Variants in WIF1 observed in about 807,000 individuals in gnomAD.
WIF1 encodes the protein Wnt inhibitory factor 1.
A neutral mutation model predicts 53.5 loss-of-function variants in WIF1; 35 were observed. That is an observed-to-expected ratio of 0.65 (90% CI 0.50 to 0.87). The LOEUF (loss-of-function observed/expected upper bound fraction) is 0.87. WIF1 is among the 40% of genes least tolerant of loss of function. WIF1 has a pLI of 0.00. For missense variants in WIF1, 467 were observed against 476.8 expected (o/e 0.98, Z 0.19); for synonymous variants, 171 against 170.4 (o/e 1.00, Z -0.03).
chr12:65,077,453 C>G (rs922003551), intron 3 of WIF1, among the ~76,000 whole-genome samples: 1 of 152,120 alleles, frequency 6.6e-6, no homozygotes, highest in Non-Finnish European at 1.5e-5. Context: ...ATATATCTCA[C>G]CAGATGTGTT....
intron 2 of WIF1, among the ~76,000 whole-genome samples, chr12:65,115,276 A>AT (rs1211189012): frequency 6.6e-6 from 1 of 151,914 alleles, no homozygotes; most frequent in Non-Finnish European, 1.5e-5. Context: ...GATAGAACAT[A>AT]TTATAGTTAT....
At chr12:65,057,473 C>T (rs1197244422) in intron 7 of WIF1, among the ~76,000 whole-genome samples, 1 of 152,156 alleles carries the variant, frequency 6.6e-6, no homozygotes, top group African/African-American at 2.4e-5. Context: ...CTAGAATTTG[C>T]TATCCTAAGT....
intron 6 of WIF1, 89 bp from the exon 7 acceptor site, chr12:65,062,665 C>G: frequency 2.6e-6 from 3 of 1,159,868 alleles, no homozygotes; most frequent in Middle Eastern, 2.0e-4. Context: ...ATTTTTTAGG[C>G]ATCTGCTTGC....
intron 2 of WIF1, among the ~76,000 whole-genome samples, chr12:65,078,078 TTTTG>T (rs948106901): frequency 2.6e-5 from 4 of 151,954 alleles, no homozygotes; most frequent in African/African-American, 9.7e-5. Flanking sequence ...GTTAATCTGT[TTTTG>T]TTTGTTTGTT....
intron 2 of WIF1, among the ~76,000 whole-genome samples, chr12:65,105,056 AC>A (rs1883333669): frequency 6.6e-6 from 1 of 152,040 alleles, no homozygotes. Context: ...GTTAAAACAT[AC>A]TCCAGTGGCT....
At position 65,120,521 on chromosome 12, in the gene WIF1, TC is replaced by T. The variant is rs1292273245; in HGVS notation, c.183del (p.Met63TrpfsTer25). 6.2e-7 allele frequency: 1 copy of T among 1,614,096 alleles called. No homozygotes were observed. The highest frequency in any genetic ancestry group is 2.2e-5 in the East Asian group (1 of 44,874). On this transcript the variant is annotated frameshift_variant, in exon 2 of 10. Transcript: ENST00000286574. LOFTEE classifies it high-confidence loss of function. ...FEEDILIVSE[G>X]KMAPFTHDFR... ...AAATCATGTGTAAAAGGTGCCATTT[TC>T]CCCTCTGAAACAATCAGGATATCTT...
chr12:65,068,671 G>GTA, intron 4 of WIF1, 93 bp downstream of exon 4: 1 of 1,355,690 alleles, frequency 7.4e-7, no homozygotes, highest in East Asian at 2.3e-5. Context: ...GTGTGTGTGT[G>GTA]TGTGTGTGTG....
intron 7 of WIF1, among the ~76,000 whole-genome samples, chr12:65,061,155 A>G (rs1312376646): frequency 6.6e-6 from 1 of 152,214 alleles, no homozygotes; most frequent in African/African-American, 2.4e-5. Context: ...AATTAATTAC[A>G]TGTTCTATGG....
In WIF1 at chr12:65,056,030, C is replaced by G; in HGVS notation, c.922+1G>C. On this transcript the variant is annotated splice_donor_variant, in intron 8 of 9. Transcript: ENST00000286574. LOFTEE classifies it high-confidence loss of function. ...ATTGGCAATGTGTATGGGGTACTTA[C>G]GCTTTGAACAGAGGTCTCCCTGGTA... 6.8e-6 allele frequency: 11 copies of G among 1,613,526 alleles called. No homozygotes were observed. Among genetic ancestry groups the G allele is most frequent in the Non-Finnish European group, 9.3e-6 (11 of 1,179,718 alleles).
chr12:65,095,875 G>A (rs1883196536), intron 2 of WIF1: 1 of 152,100 alleles, frequency 6.6e-6, no homozygotes, highest in African/African-American at 2.4e-5. Flanking sequence ...ATTCAAGATG[G>A]ATTACATACT....
chr12:65,058,681 G>T (rs982840991), intron 7 of WIF1, among the ~76,000 whole-genome samples: 1 of 152,148 alleles, frequency 6.6e-6, no homozygotes, highest in Non-Finnish European at 1.5e-5. Context: ...CCTGAAAATA[G>T]TTTGCAACCA....
At chr12:65,054,388 TCTGTCTGTGCA>T (rs2136606854) in intron 9 of WIF1, among the ~76,000 whole-genome samples, 1 of 152,334 alleles carries the variant, frequency 6.6e-6, no homozygotes, top group South Asian at 2.1e-4. Context: ...CAGGGCCTTT[TCTGTCTGTGCA>T]CTGGTGTGTC....
intron 7 of WIF1, among the ~76,000 whole-genome samples, chr12:65,061,745 A>G (rs773619259): frequency 6.6e-6 from 1 of 152,242 alleles, no homozygotes; most frequent in Non-Finnish European, 1.5e-5. Flanking sequence ...TTAAGTTTAC[A>G]GTTCAGATAT....
At chr12:65,119,488 A>G (rs1175284510) in intron 2 of WIF1, among the ~76,000 whole-genome samples, 2 of 152,350 alleles carry the variant, frequency 1.3e-5, no homozygotes, top group Non-Finnish European at 2.9e-5. Flanking sequence ...GTGGTTTCTC[A>G]ATTCAAAATA....
At chr12:65,065,148 C>T (rs547249482) in intron 6 of WIF1, among the ~76,000 whole-genome samples, 16 of 152,210 alleles carry the variant, frequency 1.1e-4, no homozygotes, top group African/African-American at 3.6e-4. Flanking sequence ...TAAAAGACCA[C>T]TTTAAAAAAG....
intron 2 of WIF1, among the ~76,000 whole-genome samples, chr12:65,083,300 C>G (rs915442528): frequency 6.6e-6 from 1 of 152,064 alleles, no homozygotes; most frequent in Non-Finnish European, 1.5e-5. Context: ...GTTAAAGACC[C>G]AAACAAAACG....
intron 2 of WIF1, among the ~76,000 whole-genome samples, chr12:65,102,703 G>C (rs1473942207): frequency 6.6e-6 from 1 of 152,132 alleles, no homozygotes; most frequent in Admixed American, 6.5e-5. Flanking sequence ...GGCAGGCAAG[G>C]TCCCCAGGGT....
chr12:65,084,798 G>T (rs892857755), intron 2 of WIF1, among the ~76,000 whole-genome samples: 1 of 152,152 alleles, frequency 6.6e-6, no homozygotes, highest in Admixed American at 6.6e-5. Context: ...TCTGATTCTA[G>T]TGACAGGCAG....
chr12:65,078,955 A>C (rs562830016), intron 2 of WIF1, among the ~76,000 whole-genome samples: 1 of 152,262 alleles, frequency 6.6e-6, no homozygotes, highest in East Asian at 1.9e-4. Flanking sequence ...ACTTGAGGTT[A>C]GGAGTTCGAG....
Sources: gnomAD v4.1 joint callset for allele counts (sites outside exome capture counted in the v4.1 genomes callset) on GRCh38, gnomAD v4.1.1 for gene constraint, MANE v1.5 for transcripts, NCBI Gene and HGNC (gene_info 2026-07-23, HGNC 2026-07-21) for gene names.